TACR3: variants seen among roughly 807,000 people sequenced by gnomAD.
TACR3 encodes the protein neuromedin-K receptor.
Under a neutral mutation model 35.0 loss-of-function variants are expected in TACR3, and 34 were observed. That is an observed-to-expected ratio of 0.97 (90% confidence interval 0.74 to 1.30). The LOEUF (loss-of-function observed/expected upper bound fraction) is 1.30. Among genes scored for constraint, TACR3 ranks in the 50% most tolerant of loss-of-function variants. The probability of loss-of-function intolerance (pLI) is 0.00; values close to 1 mark genes in which losing one functional copy is unlikely to be tolerated. For synonymous variants in TACR3, 233 were observed against 221.1 expected, an observed-to-expected ratio of 1.05 and a Z score of -0.48; for missense variants, 558 against 591.7, an observed-to-expected ratio of 0.94 and a Z score of 0.59.
intron 1 of TACR3, among the ~76,000 whole-genome samples, chr4:103,664,214 C>T (rs770202905): frequency 1.3e-5 from 2 of 152,108 alleles, no homozygotes; most frequent in South Asian, 2.1e-4. Context: ...AATACTAGAC[C>T]GCTTTGCTTT....
At chr4:103,712,134 G>GA (rs1030901810) in intron 1 of TACR3, among the ~76,000 whole-genome samples, 2 of 152,146 alleles carry the variant, frequency 1.3e-5, no homozygotes, top group African/African-American at 2.4e-5. Flanking sequence ...CACAGAATTG[G>GA]AAAAAAACTA....
chr4:103,711,316 T>A (rs1429759226), intron 1 of TACR3, among the ~76,000 whole-genome samples: 2 of 152,170 alleles, frequency 1.3e-5, no homozygotes, highest in Non-Finnish European at 2.9e-5. Context: ...GCTTCATCCC[T>A]GGGATGCAAG....
In TACR3 at chr4:103,686,917, A is replaced by T. The variant is rs189711851; in HGVS notation, c.549-28514T>A. Reference sequence around the variant, plus strand: ...TTTATGAGGCCAGCATCATCCTGATACCAAAGCTGGGCAGAGACACAACCA... The same window carrying T: ...TTTATGAGGCCAGCATCATCCTGATTCCAAAGCTGGGCAGAGACACAACCA... On this transcript the variant is annotated intron_variant, in intron 1 of 4. Coordinates refer to ENST00000304883, the MANE Select transcript of TACR3 (RefSeq NM_001059.3). Among the ~76,000 whole-genome samples, 193 of 152,306 alleles carry T rather than the reference A, an allele frequency of 1.3e-3. 3 individuals are homozygous for T. In the East Asian group the frequency reaches 0.015, roughly 12 times the overall value.
intron 1 of TACR3, among the ~76,000 whole-genome samples, chr4:103,670,806 T>C (rs183031487): frequency 1.3e-5 from 2 of 152,184 alleles, no homozygotes; most frequent in Admixed American, 6.5e-5. Context: ...ATGCTTTATT[T>C]CTTTCTCTTG....
intron 3 of TACR3, among the ~76,000 whole-genome samples, chr4:103,629,742 TC>T (rs982861307): frequency 1.3e-5 from 2 of 149,722 alleles, no homozygotes; most frequent in African/African-American, 4.9e-5. Flanking sequence ...TTCAATGCCA[TC>T]CCCATCAAGC....
At chr4:103,638,817 C>A (rs1207095029) in intron 3 of TACR3, among the ~76,000 whole-genome samples, 1 of 152,036 alleles carries the variant, frequency 6.6e-6, no homozygotes, top group Admixed American at 6.6e-5. Flanking sequence ...GACATTTATG[C>A]AGCCAAAAAA....
intron 1 of TACR3, among the ~76,000 whole-genome samples, chr4:103,705,347 G>A (rs537515570): frequency 3.0e-4 from 46 of 151,894 alleles, no homozygotes; most frequent in Non-Finnish European, 8.8e-5. Context: ...CATAAAAAGT[G>A]GTATTTCATG....
In TACR3 at chr4:103,719,308, A is replaced by C; in HGVS notation, c.368T>G (p.Phe123Cys). Residue 123 changes from phenylalanine (F) to cysteine (C), a missense_variant, in exon 1 of 5, where the codon TTC (phenylalanine) becomes TGC (cysteine). Transcript: ENST00000304883. ...HKRMRTVTNY[F>C]LVNLAFSDAS... ...GTCGGAGAAAGCCAGGTTCACAAGG[A>C]AGTAGTTGGTGACAGTCCTCATGCG... 2 of 1,614,242 alleles carry C rather than the reference A, an allele frequency of 1.2e-6. No homozygotes were observed. The highest frequency in any genetic ancestry group is 1.7e-6 in the Non-Finnish European group (2 of 1,180,050).
At chr4:103,630,125 C>G (rs1054012942) in intron 3 of TACR3, among the ~76,000 whole-genome samples, 1 of 152,122 alleles carries the variant, frequency 6.6e-6, no homozygotes, top group Non-Finnish European at 1.5e-5. Context: ...GCTGGGGAAA[C>G]TGGCTGCCCT....
At chr4:103,649,645 T>C (rs538860185) in intron 3 of TACR3, among the ~76,000 whole-genome samples, 6 of 152,182 alleles carry the variant, frequency 3.9e-5, no homozygotes, top group African/African-American at 1.4e-4. Flanking sequence ...CATTCCTCAG[T>C]ATATAAATTG....
At chr4:103,671,476 G>T (rs1293928506) in intron 1 of TACR3, among the ~76,000 whole-genome samples, 3 of 151,664 alleles carry the variant, frequency 2.0e-5, no homozygotes, top group African/African-American at 4.8e-5. Context: ...CATAATATTG[G>T]GCTATTTAGG....
intron 1 of TACR3, among the ~76,000 whole-genome samples, chr4:103,685,366 T>C (rs1578256837): frequency 6.6e-6 from 1 of 152,288 alleles, no homozygotes; most frequent in East Asian, 1.9e-4. Flanking sequence ...TAACTCAAAA[T>C]GTATCATACA....
chr4:103,688,398 G>T (rs573603507), intron 1 of TACR3, among the ~76,000 whole-genome samples: 1 of 151,816 alleles, frequency 6.6e-6, no homozygotes, highest in Non-Finnish European at 1.5e-5. Flanking sequence ...ATTGACAAAT[G>T]GGATCTAATT....
chr4:103,707,403 G>C (rs1167582324), intron 1 of TACR3, among the ~76,000 whole-genome samples: 1 of 151,812 alleles, frequency 6.6e-6, no homozygotes, highest in Non-Finnish European at 1.5e-5. Context: ...TAACAACCTG[G>C]TCTTGTTTTA....
chr4:103,719,028 TA>T, intron 1 of TACR3, 99 bp downstream of exon 1: 1 of 1,508,772 alleles, frequency 6.6e-7, no homozygotes, highest in South Asian at 1.2e-5. Flanking sequence ...TTTACTTTTA[TA>T]GACCCCGTTA....
intron 3 of TACR3, among the ~76,000 whole-genome samples, chr4:103,648,843 T>C (rs1248212283): frequency 5.3e-5 from 8 of 152,064 alleles, no homozygotes; most frequent in African/African-American, 1.9e-4. Flanking sequence ...GCTATTTTTA[T>C]TTTTATTTGA....
chr4:103,594,856 C>T (rs1723972600), intron 3 of TACR3, among the ~76,000 whole-genome samples: 1 of 152,124 alleles, frequency 6.6e-6, no homozygotes, highest in African/African-American at 2.4e-5. Context: ...AAATACTCTA[C>T]AGAAATGTTT....
At chr4:103,705,091 T>C (rs1305697862) in intron 1 of TACR3, among the ~76,000 whole-genome samples, 1 of 152,056 alleles carries the variant, frequency 6.6e-6, no homozygotes, top group Non-Finnish European at 1.5e-5. Context: ...TAAATATGAG[T>C]TTTTATTAAA....
chr4:103,639,943 A>G (rs1324230732), intron 3 of TACR3, among the ~76,000 whole-genome samples: 2 of 152,012 alleles, frequency 1.3e-5, no homozygotes, highest in Non-Finnish European at 2.9e-5. Flanking sequence ...TAGACCTATC[A>G]TAAGCATTAT....
Sources: gnomAD v4.1 joint callset for allele counts (sites outside exome capture counted in the v4.1 genomes callset) on GRCh38, gnomAD v4.1.1 for gene constraint, MANE v1.5 for transcripts, NCBI Gene and HGNC (gene_info 2026-07-23, HGNC 2026-07-21) for gene names.